Variants in RPS6KC1 observed in about 807,000 individuals in gnomAD.
RPS6KC1 encodes inactive ribosomal protein S6 kinase delta-1.
A neutral mutation model predicts 103.8 loss-of-function variants in RPS6KC1; 54 were observed. That is an observed-to-expected ratio of 0.52 (90% CI 0.42 to 0.65). RPS6KC1 has a LOEUF of 0.65. Among genes scored for constraint, RPS6KC1 ranks in the 30% least tolerant of loss-of-function variants. RPS6KC1 has a pLI of 0.00. For synonymous variants in RPS6KC1, 439 were observed against 438.7 expected (o/e 1.00, Z -0.01); for missense variants, 1,151 against 1,253.8 (o/e 0.92, Z 1.24).
the RPS6KC1 span, among the ~76,000 whole-genome samples, chr1:213,404,049 C>A: frequency 6.6e-6 from 1 of 152,120 alleles, no homozygotes; most frequent in Non-Finnish European, 1.5e-5. Flanking sequence ...AGGCCCTAAG[C>A]GAGGATGTGG....
At chr1:213,844,044 G>T in the RPS6KC1 span, among the ~76,000 whole-genome samples, 1 of 152,032 alleles carries the variant, frequency 6.6e-6, no homozygotes, top group South Asian at 2.1e-4. Flanking sequence ...GCAATAAATG[G>T]CCTTCATGGA....
the RPS6KC1 span, among the ~76,000 whole-genome samples, chr1:213,749,052 C>T: frequency 6.6e-6 from 1 of 152,200 alleles, no homozygotes; most frequent in Non-Finnish European, 1.5e-5. Context: ...GTTACAGTCC[C>T]TCCTCCTCTT....
At chr1:213,304,623 A>C in the RPS6KC1 span, among the ~76,000 whole-genome samples, 3 of 151,846 alleles carry the variant, frequency 2.0e-5, no homozygotes, top group African/African-American at 7.3e-5. Context: ...GCTCACCACA[A>C]CCTCTGGATC....
At chr1:213,188,660 A>G (rs982026652) in intron 8 of RPS6KC1, among the ~76,000 whole-genome samples, 1 of 152,204 alleles carries the variant, frequency 6.6e-6, no homozygotes, top group East Asian at 1.9e-4. Context: ...TACTAGATGT[A>G]AATATAACAA....
At chr1:213,767,098 A>T in the RPS6KC1 span, among the ~76,000 whole-genome samples, 2 of 152,128 alleles carry the variant, frequency 1.3e-5, no homozygotes, top group Non-Finnish European at 2.9e-5. Context: ...CTAATGCCTC[A>T]GTTACTCTAC....
the RPS6KC1 span, among the ~76,000 whole-genome samples, chr1:213,853,915 C>T: frequency 1.3e-5 from 2 of 152,182 alleles, no homozygotes; most frequent in Admixed American, 1.3e-4. Context: ...CCACAAATAA[C>T]CCTGGTTTGT....
intron 1 of RPS6KC1, among the ~76,000 whole-genome samples, chr1:213,067,508 A>G (rs1185628878): frequency 2.6e-5 from 4 of 152,160 alleles, no homozygotes; most frequent in African/African-American, 7.2e-5. Context: ...TGACTGGTTG[A>G]CTGCTTTTGG....
At chr1:213,635,116 G>T in the RPS6KC1 span, among the ~76,000 whole-genome samples, 1 of 152,158 alleles carries the variant, frequency 6.6e-6, no homozygotes, top group South Asian at 2.1e-4. Context: ...GCTCTGAAAT[G>T]GAGGCAATAA....
chr1:213,761,349 C>T, the RPS6KC1 span, among the ~76,000 whole-genome samples: 2 of 152,092 alleles, frequency 1.3e-5, no homozygotes, highest in African/African-American at 2.4e-5. Flanking sequence ...CACTGCGTGG[C>T]CACAGCAGCC....
At chr1:213,509,618 G>C in the RPS6KC1 span, among the ~76,000 whole-genome samples, 9 of 152,248 alleles carry the variant, frequency 5.9e-5, no homozygotes, top group South Asian at 1.9e-3. Flanking sequence ...GCAGCGACTT[G>C]GGCTCAGTCA....
the RPS6KC1 span, among the ~76,000 whole-genome samples, chr1:213,690,175 T>C: frequency 6.6e-6 from 1 of 152,238 alleles, no homozygotes; most frequent in Non-Finnish European, 1.5e-5. Context: ...ATATTTATCA[T>C]GTCTCTCTAA....
the RPS6KC1 span, among the ~76,000 whole-genome samples, chr1:213,642,053 C>G: frequency 1.3e-5 from 2 of 152,148 alleles, no homozygotes; most frequent in East Asian, 1.9e-4. Context: ...TTACCCCACT[C>G]TCTCTGAGCT....
chr1:213,131,323 T>C (rs2149006984), intron 6 of RPS6KC1, among the ~76,000 whole-genome samples: 1 of 152,332 alleles, frequency 6.6e-6, no homozygotes, highest in South Asian at 2.1e-4. Flanking sequence ...CTTGATATGA[T>C]TAATATTAGC....
At chr1:213,732,341 A>G in the RPS6KC1 span, among the ~76,000 whole-genome samples, 2 of 112,404 alleles carry the variant, frequency 1.8e-5, no homozygotes, top group African/African-American at 3.5e-5. Context: ...AATGGTATGT[A>G]TGTATGAGTG....
chr1:213,725,495 C>T, the RPS6KC1 span, among the ~76,000 whole-genome samples: 3 of 152,238 alleles, frequency 2.0e-5, no homozygotes, highest in East Asian at 1.9e-4. Context: ...GGGCTCTCTT[C>T]GGGGACTCTT....
chr1:213,192,981 C>T (rs1037887267), intron 8 of RPS6KC1, among the ~76,000 whole-genome samples: 7 of 151,782 alleles, frequency 4.6e-5, no homozygotes, highest in Admixed American at 2.6e-4. Context: ...TCTTAATTTC[C>T]GTGTATTTCT....
the RPS6KC1 span, among the ~76,000 whole-genome samples, chr1:213,384,275 C>CAA: frequency 0.045 from 6,566 of 144,892 alleles, 377 homozygotes; most frequent in East Asian, 0.19. Flanking sequence ...GACTCCATCT[C>CAA]AAAAAAAAAT....
At chr1:213,766,910 C>T in the RPS6KC1 span, among the ~76,000 whole-genome samples, 6 of 152,266 alleles carry the variant, frequency 3.9e-5, no homozygotes, top group South Asian at 4.1e-4. Context: ...GGCCTCCCCT[C>T]GCCATTCAAC....
the RPS6KC1 span, among the ~76,000 whole-genome samples, chr1:213,415,154 A>C: frequency 6.6e-6 from 1 of 152,126 alleles, no homozygotes; most frequent in Admixed American, 6.5e-5. Context: ...CACTTTTTTT[A>C]CTGTGTCTAC....
Sources: allele counts gnomAD v4.1 joint callset (sites outside exome capture counted in the v4.1 genomes callset), GRCh38; gene constraint gnomAD v4.1.1; transcripts MANE v1.5; gene names NCBI Gene and HGNC (gene_info 2026-07-23, HGNC 2026-07-21).